Variants in COL25A1 observed in about 807,000 individuals in gnomAD.
The protein encoded by COL25A1 is collagen type XXV alpha 1 chain, also known as collagen alpha-1(XXV) chain.
A neutral mutation model predicts 128.4 loss-of-function variants in COL25A1; 103 were observed. That is an observed-to-expected ratio of 0.80 (90% CI 0.68 to 0.94). The LOEUF (loss-of-function observed/expected upper bound fraction) is 0.94. Among genes scored for constraint, COL25A1 ranks in the 40% least tolerant of loss-of-function variants. COL25A1 has a pLI of 0.00. For synonymous variants in COL25A1, 279 were observed against 277.2 expected (o/e 1.01, Z -0.06); for missense variants, 745 against 840.0 (o/e 0.89, Z 1.40).
chr4:109,272,031 G>C (rs1378853016), intron 3 of COL25A1, among the ~76,000 whole-genome samples: 1 of 152,030 alleles, frequency 6.6e-6, no homozygotes, highest in Non-Finnish European at 1.5e-5. Flanking sequence ...TTGAGCCTAG[G>C]AGTTCGAGAC....
At chr4:109,225,125 G>C (rs939704531) in intron 3 of COL25A1, among the ~76,000 whole-genome samples, 1 of 152,170 alleles carries the variant, frequency 6.6e-6, no homozygotes, top group African/African-American at 2.4e-5. Context: ...CAGCTCTCAT[G>C]AGGGTTAGAC....
chr4:108,833,657 T>C (rs879625215), intron 31 of COL25A1, among the ~76,000 whole-genome samples: 1 of 152,226 alleles, frequency 6.6e-6, no homozygotes, highest in Non-Finnish European at 1.5e-5. Flanking sequence ...ACTATTCTGG[T>C]TTATTCTGTG....
intron 3 of COL25A1, among the ~76,000 whole-genome samples, chr4:109,106,799 G>A (rs775109775): frequency 3.9e-5 from 6 of 152,054 alleles, no homozygotes; most frequent in African/African-American, 9.7e-5. Flanking sequence ...GCAGGGTCTC[G>A]CTCTGTTGCC....
intron 3 of COL25A1, among the ~76,000 whole-genome samples, chr4:109,098,095 G>A (rs1017834974): frequency 1.1e-4 from 16 of 152,156 alleles, no homozygotes; most frequent in Non-Finnish European, 2.4e-4. Flanking sequence ...TTCTGTAAAT[G>A]CACATTACAT....
chr4:108,886,442 TTGTGTGTGTG>T (rs375825376), intron 18 of COL25A1, among the ~76,000 whole-genome samples: 105 of 81,406 alleles, frequency 1.3e-3, no homozygotes, highest in Middle Eastern at 5.6e-3. Flanking sequence ...CTATGAGATT[TTGTGTGTGTG>T]TGTGTGTGTG....
rs765492911 is a variant in COL25A1, at chr4:109,050,192, G to A, written c.368-13C>T. The A allele has an allele frequency of 4.4e-6, 7 of 1,602,024 alleles. No homozygotes were observed. The highest frequency in any genetic ancestry group is 6.0e-6 in the Non-Finnish European group (7 of 1,172,662). On this transcript the variant is annotated splice_polypyrimidine_tract_variant and intron_variant, in intron 3 of 37. Coordinates refer to ENST00000399132, the MANE Select transcript of COL25A1 (RefSeq NM_198721.4). Reference sequence around the variant, plus strand: ...TTCCCTGGAGGGCCTGAAATACAAAGGATAATTTTTTTAGTGTAGTTTAAT... The same window carrying A: ...TTCCCTGGAGGGCCTGAAATACAAAAGATAATTTTTTTAGTGTAGTTTAAT...
chr4:109,021,208 A>G (rs1274787160), intron 5 of COL25A1, among the ~76,000 whole-genome samples: 1 of 152,198 alleles, frequency 6.6e-6, no homozygotes, highest in Non-Finnish European at 1.5e-5. Flanking sequence ...TGGTGAGAAG[A>G]AGAGGAAGGC....
intron 3 of COL25A1, among the ~76,000 whole-genome samples, chr4:109,233,578 T>C (rs1279426455): frequency 1.3e-5 from 2 of 151,656 alleles, no homozygotes; most frequent in African/African-American, 4.9e-5. Context: ...AAAAACCCAG[T>C]TATAAGCTAT....
chr4:109,188,502 C>T (rs1775328527), intron 3 of COL25A1, among the ~76,000 whole-genome samples: 1 of 152,062 alleles, frequency 6.6e-6, no homozygotes, highest in Admixed American at 6.6e-5. Flanking sequence ...TTCACTCCAG[C>T]TAAGCTACAC....
At chr4:109,227,301 T>C (rs1778870400) in intron 3 of COL25A1, among the ~76,000 whole-genome samples, 1 of 152,170 alleles carries the variant, frequency 6.6e-6, no homozygotes, top group Non-Finnish European at 1.5e-5. Context: ...CCAAAATTAT[T>C]TACACAATTT....
chr4:109,288,960 T>C (rs867492031), intron 3 of COL25A1, among the ~76,000 whole-genome samples: 3 of 98,252 alleles, frequency 3.1e-5, no homozygotes, highest in African/African-American at 8.8e-5. Context: ...CTAAATTATA[T>C]ATACACACAC....
chr4:109,292,519 G>T (rs1724570022), intron 3 of COL25A1, among the ~76,000 whole-genome samples: 1 of 152,008 alleles, frequency 6.6e-6, no homozygotes, highest in South Asian at 2.1e-4. Flanking sequence ...GCTCTACGAT[G>T]AGCCCTAGAG....
In COL25A1 at chr4:108,852,955, A is replaced by AG. The variant is rs1391553992; in HGVS notation, c.1321-31dup. ...TGGGAAAATGTGTTGACAAAGACAG[A>AG]GTTATCTATTTTGTGTGCCAAAGTA... On this transcript the variant is annotated intron_variant, in intron 24 of 37. Coordinates refer to ENST00000399132, the MANE Select transcript of COL25A1 (RefSeq NM_198721.4). 3 of 1,599,206 alleles carry AG rather than the reference A, an allele frequency of 1.9e-6. No individual in the cohort carries two copies. In the East Asian group the frequency reaches 6.7e-5, roughly 36 times the overall value.
At chr4:109,238,670 G>T (rs1779627778) in intron 3 of COL25A1, among the ~76,000 whole-genome samples, 1 of 152,018 alleles carries the variant, frequency 6.6e-6, no homozygotes, top group Admixed American at 6.6e-5. Flanking sequence ...ACTAGAAGGT[G>T]TGTGGTCAGA....
In COL25A1 at chr4:108,827,093, T is replaced by C. The variant is rs371282540; in HGVS notation, c.1764+42A>G. ...AACCGTGTCAGTGACTGGTCATCTA[T>C]GCATGCGGAAGGTGGGGAGGTGCAT... On this transcript the variant is annotated intron_variant, in intron 33 of 37. Transcript: ENST00000399132. The C allele has an allele frequency of 1.9e-6, 3 of 1,578,320 alleles. No individual in the cohort carries two copies. In the African/African-American group the frequency reaches 4.0e-5, roughly 21 times the overall value.
At chr4:109,281,665 C>T (rs1484710232) in intron 3 of COL25A1, among the ~76,000 whole-genome samples, 1 of 152,088 alleles carries the variant, frequency 6.6e-6, no homozygotes, top group Non-Finnish European at 1.5e-5. Context: ...TAATAATCTA[C>T]TCAAAACCAT....
chr4:109,054,828 C>G (rs1293993682), intron 3 of COL25A1, among the ~76,000 whole-genome samples: 1 of 152,144 alleles, frequency 6.6e-6, no homozygotes, highest in Admixed American at 6.5e-5. Context: ...TGGACGCACA[C>G]TGGGGTAGGG....
At chr4:108,823,532 C>T (rs1269745043) in intron 35 of COL25A1, among the ~76,000 whole-genome samples, 1 of 152,064 alleles carries the variant, frequency 6.6e-6, no homozygotes, top group East Asian at 1.9e-4. Context: ...GTCATAAAAC[C>T]ATATTGCCTG....
chr4:109,013,258 A>C (rs959105425), intron 5 of COL25A1, among the ~76,000 whole-genome samples: 1 of 151,842 alleles, frequency 6.6e-6, no homozygotes, highest in African/African-American at 2.4e-5. Context: ...TAGCTAATCT[A>C]GTGGGGACTT....
Sources: gnomAD v4.1 joint callset for allele counts (sites outside exome capture counted in the v4.1 genomes callset) on GRCh38, gnomAD v4.1.1 for gene constraint, MANE v1.5 for transcripts, NCBI Gene and HGNC (gene_info 2026-07-23, HGNC 2026-07-21) for gene names.